Variants in FAM149B1 observed in about 807,000 individuals in gnomAD.
FAM149B1 encodes primary cilium assembly protein FAM149B1.
A neutral mutation model predicts 75.3 loss-of-function variants in FAM149B1; 56 were observed. That is an observed-to-expected ratio of 0.74 (90% CI 0.60 to 0.93). The LOEUF is 0.93. FAM149B1 is among the 40% of genes least tolerant of loss of function. The probability of loss-of-function intolerance (pLI) is 0.00; values close to 1 mark genes in which losing one functional copy is unlikely to be tolerated. For missense variants in FAM149B1, 639 were observed against 708.4 expected, an observed-to-expected ratio of 0.90 and a Z score of 1.11; for synonymous variants, 259 against 256.1, an observed-to-expected ratio of 1.01 and a Z score of -0.11.
intron 4 of FAM149B1, among the ~76,000 whole-genome samples, 178 bp from the exon 5 acceptor site, chr10:73,193,296 ATTC>A (rs3833731): frequency 0.16 from 23,819 of 151,752 alleles, 3,085 homozygotes; most frequent in African/African-American, 0.33. Flanking sequence ...TTCCATCTCC[ATTC>A]TATGGAAGAG....
intron 1 of FAM149B1, among the ~76,000 whole-genome samples, chr10:73,169,509 G>C (rs1239072377): frequency 6.7e-6 from 1 of 149,792 alleles, no homozygotes; most frequent in Admixed American, 6.6e-5. Flanking sequence ...CCAGGCTGGA[G>C]GGCAGTAGTG....
intron 5 of FAM149B1, among the ~76,000 whole-genome samples, chr10:73,205,094 T>G (rs896680156): frequency 6.6e-6 from 1 of 150,864 alleles, no homozygotes. Flanking sequence ...ATTACAGGTG[T>G]GAGCCACCCG....
intron 13 of FAM149B1, among the ~76,000 whole-genome samples, chr10:73,240,535 AC>A (rs1425716193): frequency 9.9e-5 from 15 of 151,966 alleles, no homozygotes; most frequent in Non-Finnish European, 2.2e-4. Context: ...ACATGGTGAA[AC>A]CCCATCTCTA....
chr10:73,235,157 T>C, intron 11 of FAM149B1, 36 bp from the exon 12 acceptor site: 15 of 1,548,820 alleles, frequency 9.7e-6, no homozygotes, highest in Non-Finnish European at 1.2e-5. Context: ...TTACAGATAG[T>C]TTTCACTGTT....
At chr10:73,199,287 C>T (rs550243048) in intron 5 of FAM149B1, among the ~76,000 whole-genome samples, 33 of 152,020 alleles carry the variant, frequency 2.2e-4, no homozygotes, top group East Asian at 3.9e-4. Flanking sequence ...GCACAATCTC[C>T]GCTCACTGCA....
At chr10:73,193,451 T>C in intron 4 of FAM149B1, 26 bp from the exon 5 acceptor site, 1 of 1,540,600 alleles carries the variant, frequency 6.5e-7, no homozygotes, top group Non-Finnish European at 8.8e-7. Flanking sequence ...GGTACTTAAT[T>C]GTGTCTGTGT....
Position 73,237,672 on chromosome 10 carries a change from T to G in FAM149B1, c.1603-1640T>G, listed in dbSNP as rs1264938342. On this transcript the variant is annotated intron_variant, in intron 12 of 13. Transcript: ENST00000242505. ...TCTGACCCCAAGTGATCCACCTACC[T>G]TGGCCTCCCAAAGTGCTGGGATTAC... is the stretch of plus-strand genomic sequence containing the variant. 1.3e-5 allele frequency among the ~76,000 whole-genome samples: 2 copies of G among 152,178 alleles called. 1 individual carries two copies. Among genetic ancestry groups the G allele is most frequent in the Non-Finnish European group, 2.9e-5 (2 of 68,028 alleles).
intron 7 of FAM149B1, among the ~76,000 whole-genome samples, chr10:73,217,477 T>G (rs1052990658): frequency 5.3e-5 from 8 of 152,194 alleles, no homozygotes; most frequent in African/African-American, 1.9e-4. Context: ...GTTCTCTGTT[T>G]AGGGTTTCAC....
intron 2 of FAM149B1, among the ~76,000 whole-genome samples, chr10:73,176,062 C>T (rs1317649705): frequency 6.6e-6 from 1 of 151,940 alleles, no homozygotes; most frequent in African/African-American, 2.4e-5. Flanking sequence ...TACAACTCAC[C>T]ATAATGTAGA....
At chr10:73,177,574 C>A (rs1304051636) in intron 2 of FAM149B1, among the ~76,000 whole-genome samples, 19 of 145,344 alleles carry the variant, frequency 1.3e-4, no homozygotes, top group South Asian at 2.2e-4. Flanking sequence ...ATTCTGTCTC[C>A]AAAAAAAAAA....
intron 2 of FAM149B1, among the ~76,000 whole-genome samples, chr10:73,175,481 A>G (rs1843913461): frequency 6.6e-6 from 1 of 152,130 alleles, no homozygotes; most frequent in East Asian, 1.9e-4. Context: ...CATCCTGGCT[A>G]ACACGGTGAA....
Position 73,243,776 on chromosome 10 carries a change from T to C in FAM149B1, c.*2757T>C. The C allele has an allele frequency of 7.0e-7, 1 of 1,427,036 alleles. No individual in the cohort carries two copies. Among genetic ancestry groups the C allele is most frequent in the Non-Finnish European group, 9.8e-7 (1 of 1,024,832 alleles). The allele number at this position is 1,427,036 out of a possible 1,614,324, so 88.4% of individuals were successfully genotyped here. Reference sequence around the variant, plus strand: ...TAAAAGAAGAAAACAAAATACAACATTCCAAAGAAAATATTAGCAGTAGGA... The same window carrying C: ...TAAAAGAAGAAAACAAAATACAACACTCCAAAGAAAATATTAGCAGTAGGA... On this transcript the variant is annotated 3_prime_UTR_variant, in exon 14 of 14. Transcript: ENST00000242505.
chr10:73,218,268 T>C (rs1233034321), intron 7 of FAM149B1, among the ~76,000 whole-genome samples: 1 of 152,220 alleles, frequency 6.6e-6, no homozygotes, highest in African/African-American at 2.4e-5. Context: ...TTTGCTCCAT[T>C]CTCTGGGTGC....
chr10:73,170,012 T>TA (rs142318781), intron 1 of FAM149B1, among the ~76,000 whole-genome samples: 3,630 of 151,250 alleles, frequency 0.024, 139 homozygotes, highest in African/African-American at 0.077. Flanking sequence ...ACCATAAATA[T>TA]ATTAACTATT....
chr10:73,220,137 T>G (rs1449264850), intron 7 of FAM149B1, among the ~76,000 whole-genome samples: 1 of 151,784 alleles, frequency 6.6e-6, no homozygotes, highest in Non-Finnish European at 1.5e-5. Flanking sequence ...AATAAGCACA[T>G]GAAAGACGCT....
At chr10:73,182,803 T>C (rs554444655) in intron 3 of FAM149B1, among the ~76,000 whole-genome samples, 1 of 152,342 alleles carries the variant, frequency 6.6e-6, no homozygotes, top group Middle Eastern at 3.4e-3. Flanking sequence ...TGTGCCTCTA[T>C]ATAAATTCCT....
At chr10:73,172,263 C>T (rs1480731738) in intron 1 of FAM149B1, among the ~76,000 whole-genome samples, 3 of 152,148 alleles carry the variant, frequency 2.0e-5, no homozygotes, top group Non-Finnish European at 4.4e-5. Context: ...AAATTGATCT[C>T]CACAATTTGA....
intron 1 of FAM149B1, chr10:73,169,198 G>T (rs1321611352): frequency 6.6e-6 from 1 of 151,518 alleles, no homozygotes; most frequent in African/African-American, 2.4e-5. Flanking sequence ...GGAGGCGGGG[G>T]CCTGTAAACC....
In FAM149B1 at chr10:73,177,957, C is replaced by T. The variant is rs1440433656; in HGVS notation, c.264C>T (p.Asp88=). ...GGATATCTACTGAAGGAAGCTCGGACTTCTCCTGGGGATATGGTGTGAGTT... is the reference window on the plus strand; with the variant it reads ...GGATATCTACTGAAGGAAGCTCGGATTTCTCCTGGGGATATGGTGTGAGTT... ...GAGISTEGSS[D]FSWGYGELDQ... is the part of the protein sequence containing the mutation. The change falls in exon 3 of 14, where the codon GAC becomes GAT. Residue 88 remains aspartate, a synonymous_variant. Transcript: ENST00000242505. 6.4e-7 allele frequency: 1 copy of T among 1,551,234 alleles called. No homozygotes were observed. Among genetic ancestry groups the T allele is most frequent in the Non-Finnish European group, 8.7e-7 (1 of 1,146,852 alleles).
Sources: allele counts gnomAD v4.1 joint callset (sites outside exome capture counted in the v4.1 genomes callset), GRCh38; gene constraint gnomAD v4.1.1; transcripts MANE v1.5; gene names NCBI Gene and HGNC (gene_info 2026-07-23, HGNC 2026-07-21).